Variants in RAPGEF4 observed in about 807,000 individuals in gnomAD.
RAPGEF4 encodes the protein RAP guanine-nucleotide-exchange factor (GEF) 4.
A neutral mutation model predicts 147.9 loss-of-function variants in RAPGEF4; 66 were observed. The observed-to-expected ratio is 0.45, with a 90% CI of 0.37 to 0.55. The LOEUF (loss-of-function observed/expected upper bound fraction) is 0.55, where lower values mean the gene tolerates loss of function less well. RAPGEF4 is among the 20% of genes least tolerant of loss of function. The pLI is 0.00. For missense variants in RAPGEF4, 1,071 were observed against 1,257.3 expected (o/e 0.85, Z 2.24); for synonymous variants, 419 against 442.7 (o/e 0.95, Z 0.67).
chr2:172,814,201 A>T, intron 3 of RAPGEF4, 78 bp from the exon 4 acceptor site: 1 of 1,441,740 alleles, frequency 6.9e-7, no homozygotes, highest in East Asian at 2.3e-5. Flanking sequence ...TGTACAAATT[A>T]TACTGCAGTT....
chr2:173,051,542 G>A, intron 30 of RAPGEF4, 98 bp from the exon 31 acceptor site: 1 of 1,344,366 alleles, frequency 7.4e-7, no homozygotes, highest in Non-Finnish European at 1.0e-6. Flanking sequence ...GGGAACCCAG[G>A]AACCTATGAT....
At chr2:172,931,796 C>G (rs752972475) in intron 6 of RAPGEF4, among the ~76,000 whole-genome samples, 1 of 152,188 alleles carries the variant, frequency 6.6e-6, no homozygotes, top group Non-Finnish European at 1.5e-5. Context: ...TTAAATCTTA[C>G]GTTTAACCAA....
chr2:172,801,678 G>A (rs1559048422), intron 3 of RAPGEF4, among the ~76,000 whole-genome samples: 1 of 152,150 alleles, frequency 6.6e-6, no homozygotes, highest in East Asian at 1.9e-4. Context: ...ATCTGGGCCA[G>A]TTCTTTGTGA....
At chr2:172,961,814 C>T (rs1363543183) in intron 8 of RAPGEF4, among the ~76,000 whole-genome samples, 1 of 152,192 alleles carries the variant, frequency 6.6e-6, no homozygotes, top group African/African-American at 2.4e-5. Context: ...TTACTGTGTG[C>T]CAGGCACTAT....
rs74833166 is a variant in RAPGEF4 at position 172,919,556 on chromosome 2, G to A, written c.517+1682G>A. Among the ~76,000 whole-genome samples, 16 of 152,014 alleles carry A rather than the reference G, an allele frequency of 1.1e-4. No homozygotes were observed. In the East Asian group the frequency reaches 3.1e-3, roughly 30 times the overall value. On this transcript the variant is annotated intron_variant, in intron 5 of 30. Coordinates refer to ENST00000397081, the MANE Select transcript of RAPGEF4 (RefSeq NM_007023.4). ...CTTCCCCCGCTTATGGAAGAGTTTAGCCATGGCTTCTTTTCTCTTTCCTTC... is the reference window on the plus strand; with the variant it reads ...CTTCCCCCGCTTATGGAAGAGTTTAACCATGGCTTCTTTTCTCTTTCCTTC...
At chr2:172,748,626 C>T (rs966995540) in intron 1 of RAPGEF4, among the ~76,000 whole-genome samples, 8 of 152,142 alleles carry the variant, frequency 5.3e-5, no homozygotes, top group African/African-American at 1.9e-4. Flanking sequence ...GGTGGGGACA[C>T]AGCCAAACCA....
intron 1 of RAPGEF4, among the ~76,000 whole-genome samples, chr2:172,787,298 T>G (rs2149525283): frequency 6.6e-6 from 1 of 152,330 alleles, no homozygotes; most frequent in African/African-American, 2.4e-5. Context: ...TTGATACTGC[T>G]AATAGACATT....
At chr2:172,897,104 A>G (rs932051784) in intron 4 of RAPGEF4, among the ~76,000 whole-genome samples, 3 of 152,274 alleles carry the variant, frequency 2.0e-5, no homozygotes, top group Admixed American at 6.5e-5. Flanking sequence ...AGGAGAATAC[A>G]TGGGGCAAGT....
chr2:172,933,296 G>A (rs373091087), intron 6 of RAPGEF4, among the ~76,000 whole-genome samples: 23 of 152,172 alleles, frequency 1.5e-4, no homozygotes, highest in African/African-American at 5.5e-4. Context: ...TGGAAATAGA[G>A]TCCATAGGAT....
intron 4 of RAPGEF4, among the ~76,000 whole-genome samples, chr2:172,831,143 A>G (rs1690263078): frequency 6.6e-6 from 1 of 151,882 alleles, no homozygotes; most frequent in South Asian, 2.1e-4. Flanking sequence ...CAGAGTTTTC[A>G]TTTACTTGTT....
At chr2:172,884,545 CA>C (rs2149870426) in intron 4 of RAPGEF4, among the ~76,000 whole-genome samples, 1 of 152,308 alleles carries the variant, frequency 6.6e-6, no homozygotes, top group South Asian at 2.1e-4. Context: ...CTGGAGATTC[CA>C]AAGCATTGCC....
At chr2:172,957,384 G>A (rs962331280) in intron 6 of RAPGEF4, among the ~76,000 whole-genome samples, 2 of 152,228 alleles carry the variant, frequency 1.3e-5, no homozygotes, top group African/African-American at 4.8e-5. Context: ...CAAAAAGGAA[G>A]TAAATAATCT....
At chr2:173,016,567 G>A in intron 19 of RAPGEF4, 130 bp downstream of exon 19, 1 of 712,966 alleles carries the variant, frequency 1.4e-6, no homozygotes. Flanking sequence ...AGCAGACTGG[G>A]CTGAGGGCAT....
intron 16 of RAPGEF4, among the ~76,000 whole-genome samples, chr2:172,999,200 A>C (rs908503078): frequency 6.6e-6 from 1 of 152,238 alleles, no homozygotes; most frequent in Non-Finnish European, 1.5e-5. Flanking sequence ...GACTAGGCTA[A>C]CATCATAATT....
intron 17 of RAPGEF4, among the ~76,000 whole-genome samples, chr2:173,005,648 G>T (rs531043942): frequency 6.8e-6 from 1 of 147,602 alleles, no homozygotes; most frequent in Non-Finnish European, 1.5e-5. Flanking sequence ...TCAGCCTCCC[G>T]AGTAGCTGGA....
chr2:172,802,078 C>T (rs55990160), intron 3 of RAPGEF4, among the ~76,000 whole-genome samples: 6,080 of 152,116 alleles, frequency 0.04, 133 homozygotes, highest in Middle Eastern at 0.054. Flanking sequence ...TTAGAACTGA[C>T]GGTGATGGGA....
intron 22 of RAPGEF4, among the ~76,000 whole-genome samples, chr2:173,019,460 A>G (rs1045762778): frequency 1.3e-5 from 2 of 152,228 alleles, no homozygotes; most frequent in Non-Finnish European, 2.9e-5. Flanking sequence ...CGGTAAGTTA[A>G]AACAATTACA....
intron 1 of RAPGEF4, among the ~76,000 whole-genome samples, chr2:172,766,664 C>T (rs534360108): frequency 3.3e-5 from 5 of 152,342 alleles, no homozygotes; most frequent in African/African-American, 4.8e-5. Context: ...GTTATGTTCC[C>T]TGCCTCCAGC....
chr2:173,041,745 C>A (rs899444237), intron 29 of RAPGEF4, among the ~76,000 whole-genome samples: 1 of 152,156 alleles, frequency 6.6e-6, no homozygotes, highest in East Asian at 1.9e-4. Flanking sequence ...TTCTCTGTAT[C>A]CAGTCCAAGT....
Sources: allele counts gnomAD v4.1 joint callset (sites outside exome capture counted in the v4.1 genomes callset), GRCh38; gene constraint gnomAD v4.1.1; transcripts MANE v1.5; gene names NCBI Gene and HGNC (gene_info 2026-07-23, HGNC 2026-07-21).